The following MAPK9 variants were observed in gnomAD, a reference collection of about 807,000 sequenced individuals.
The protein encoded by MAPK9 is Jun kinase.
A neutral mutation model predicts 57.1 loss-of-function variants in MAPK9; 30 were observed. The observed-to-expected ratio is 0.53, with a 90% CI of 0.39 to 0.71. MAPK9 has a LOEUF of 0.71. MAPK9 is among the 30% of genes least tolerant of loss of function. MAPK9 has a pLI of 0.00. For missense variants in MAPK9, 362 were observed against 521.0 expected, an observed-to-expected ratio of 0.69 and a Z score of 2.97; for synonymous variants, 155 against 177.0, an observed-to-expected ratio of 0.88 and a Z score of 0.99.
chr5:180,265,713 C>T (rs535857788), intron 3 of MAPK9, among the ~76,000 whole-genome samples: 104 of 152,292 alleles, frequency 6.8e-4, no homozygotes, highest in Non-Finnish European at 1.2e-3. Flanking sequence ...GTGTAAACAG[C>T]GAGTCCCACG....
Position 180,239,988 on chromosome 5 carries a change from C to T in MAPK9, c.997-1G>A. The T allele has an allele frequency of 1.2e-6, 2 of 1,611,634 alleles. No homozygotes were observed. The highest frequency in any genetic ancestry group is 1.7e-6 in the Non-Finnish European group (2 of 1,179,020). On this transcript the variant is annotated splice_acceptor_variant, in intron 9 of 11. Transcript: ENST00000452135. LOFTEE classifies it high-confidence loss of function. ...GGGCATCATAAATTTGAGGTGGTGG[C>T]TAAAAATTAAATCATATGTAAAGTC...
intron 2 of MAPK9, among the ~76,000 whole-genome samples, chr5:180,270,868 A>AGAAAAAG (rs1554126682): frequency 7.3e-6 from 1 of 137,568 alleles, no homozygotes; most frequent in African/African-American, 3.1e-5. Context: ...CAAAAAAAAA[A>AGAAAAAG]AAAAAGAAAA....
chr5:180,263,694 C>T (rs1021112050), intron 4 of MAPK9, among the ~76,000 whole-genome samples: 7 of 141,500 alleles, frequency 4.9e-5, no homozygotes, highest in Non-Finnish European at 4.5e-5. Flanking sequence ...AAAGTATCTG[C>T]GGCACCAAAT....
At chr5:180,246,520 T>A (rs1263566626) in intron 7 of MAPK9, 1 of 152,234 alleles carries the variant, frequency 6.6e-6, no homozygotes, top group African/African-American at 2.4e-5. Context: ...GGAGCTTGAT[T>A]TCCTTAAAAG....
At chr5:180,279,474 A>G (rs1322872047) in intron 2 of MAPK9, among the ~76,000 whole-genome samples, 2 of 152,186 alleles carry the variant, frequency 1.3e-5, no homozygotes, top group Non-Finnish European at 2.9e-5. Flanking sequence ...TTCCCTGATC[A>G]TAGGTCTCCG....
At chr5:180,258,602 C>G (rs1483124809) in intron 5 of MAPK9, among the ~76,000 whole-genome samples, 1 of 152,062 alleles carries the variant, frequency 6.6e-6, no homozygotes, top group Non-Finnish European at 1.5e-5. Context: ...CAACACAGTT[C>G]CCTTAGAAGA....
At chr5:180,280,355 CA>C in intron 2 of MAPK9, 84 bp downstream of exon 2, 1 of 1,520,954 alleles carries the variant, frequency 6.6e-7, no homozygotes, top group Non-Finnish European at 8.9e-7. Flanking sequence ...TTTTAATCAT[CA>C]ATGTTTCTAA....
At chr5:180,245,149 G>A (rs1757984269) in intron 7 of MAPK9, among the ~76,000 whole-genome samples, 2 of 152,188 alleles carry the variant, frequency 1.3e-5, no homozygotes, top group South Asian at 2.1e-4. Context: ...ACCGACAGAC[G>A]GATGACACCC....
chr5:180,243,351 T>C (rs965890144), intron 7 of MAPK9, among the ~76,000 whole-genome samples: 2 of 152,224 alleles, frequency 1.3e-5, no homozygotes, highest in African/African-American at 2.4e-5. Context: ...GTGCGTGACC[T>C]GGGTTTCAGA....
At chr5:180,276,997 C>T (rs976674236) in intron 2 of MAPK9, among the ~76,000 whole-genome samples, 16 of 152,186 alleles carry the variant, frequency 1.1e-4, no homozygotes, top group Non-Finnish European at 1.8e-4. Flanking sequence ...TTTCTTCTGG[C>T]TCCAGCTCTT....
intron 2 of MAPK9, among the ~76,000 whole-genome samples, chr5:180,272,474 C>T (rs183523583): frequency 1.3e-5 from 2 of 152,222 alleles, no homozygotes; most frequent in Admixed American, 1.3e-4. Context: ...TCTCTGTATC[C>T]CAAAAGCTTC....
At chr5:180,249,176 A>C (rs766597828) in intron 5 of MAPK9, 38 bp from the exon 6 acceptor site, 2 of 1,579,550 alleles carry the variant, frequency 1.3e-6, no homozygotes, top group Non-Finnish European at 1.7e-6. Flanking sequence ...AAATGAATGA[A>C]GCATGCTAAA....
rs1247953853 is a variant in MAPK9 at position 180,284,034 on chromosome 5, T to G, written c.-47-3426A>C. On this transcript the variant is annotated intron_variant, in intron 1 of 11. Transcript: ENST00000452135. Reference sequence around the variant, plus strand: ...TAAGTGAAAACCTGTTAAAGCCACCTTCTCTGTCAAGTTTGGGCTTTGTGA... The same window carrying G: ...TAAGTGAAAACCTGTTAAAGCCACCGTCTCTGTCAAGTTTGGGCTTTGTGA... Among the ~76,000 whole-genome samples the G allele has an allele frequency of 2.0e-5, 3 of 152,262 alleles. No homozygotes were observed. In the East Asian group the frequency reaches 5.8e-4, roughly 29 times the overall value.
intron 1 of MAPK9, among the ~76,000 whole-genome samples, chr5:180,283,534 A>G (rs549209491): frequency 1.7e-4 from 26 of 152,254 alleles, no homozygotes; most frequent in African/African-American, 1.9e-4. Context: ...TCTCCCTGCT[A>G]TAACTGCTTT....
chr5:180,247,895 T>C lies in MAPK9; in HGVS notation c.617-385A>G. ...ACAGGACTTTATGGAGGACCATTTC[T>C]GCCATGATGCACCCGACAGACCAGA... is the stretch of plus-strand genomic sequence containing the variant. On this transcript the variant is annotated intron_variant, in intron 6 of 11. Coordinates refer to ENST00000452135, the MANE Select transcript of MAPK9 (RefSeq NM_002752.5). This position sits in a 1 kb window ranked among gnomAD's most constrained non-coding sequence, Gnocchi z 4.5. 1 of 1,614,192 alleles carries C rather than the reference T, an allele frequency of 6.2e-7. No individual in the cohort carries two copies. The highest frequency in any genetic ancestry group is 1.1e-5 in the South Asian group (1 of 91,082).
chr5:180,241,359 G>A (rs951388503), intron 8 of MAPK9, among the ~76,000 whole-genome samples: 4 of 150,478 alleles, frequency 2.7e-5, no homozygotes, highest in East Asian at 2.0e-4. Context: ...ATGCAGTGGC[G>A]CAATCTTGGC....
At chr5:180,239,642 G>T (rs1160710028) in intron 10 of MAPK9, among the ~76,000 whole-genome samples, 1 of 152,108 alleles carries the variant, frequency 6.6e-6, no homozygotes, top group African/African-American at 2.4e-5. Context: ...ATATAAGTAT[G>T]ATACAATTAC....
intron 3 of MAPK9, among the ~76,000 whole-genome samples, chr5:180,267,424 T>A (rs1470106719): frequency 1.3e-5 from 2 of 151,610 alleles, no homozygotes; most frequent in South Asian, 2.1e-4. Context: ...TAGCTGGGTG[T>A]GGTGGCGGGC....
At chr5:180,243,519 G>A (rs1407772994) in intron 7 of MAPK9, among the ~76,000 whole-genome samples, 2 of 152,110 alleles carry the variant, frequency 1.3e-5, no homozygotes, top group Non-Finnish European at 1.5e-5. Flanking sequence ...AAGTGACACT[G>A]AAACTGTACT....
Sources: gnomAD v4.1 joint callset for allele counts (sites outside exome capture counted in the v4.1 genomes callset) on GRCh38, gnomAD v4.1.1 for gene constraint, Gnocchi (gnomAD v3.1) non-coding constraint, MANE v1.5 for transcripts, NCBI Gene and HGNC (gene_info 2026-07-23, HGNC 2026-07-21) for gene names.